The following FBXO34 variants were observed in gnomAD, a reference collection of about 807,000 sequenced individuals.
The protein encoded by FBXO34 is F-box protein 34.
A neutral mutation model predicts 24.5 loss-of-function variants in FBXO34; 12 were observed. That is an observed-to-expected ratio of 0.49 (90% confidence interval 0.31 to 0.79). FBXO34 has a LOEUF of 0.79. Among genes scored for constraint, FBXO34 ranks in the 30% least tolerant of loss-of-function variants. The probability of loss-of-function intolerance (pLI) is 0.04; values close to 1 mark genes in which losing one functional copy is unlikely to be tolerated. For synonymous variants in FBXO34, 320 were observed against 311.9 expected (o/e 1.03, Z -0.27); for missense variants, 823 against 857.7 (o/e 0.96, Z 0.51).
chr14:55,439,799 C>G, the FBXO34 span, among the ~76,000 whole-genome samples: 3 of 151,636 alleles, frequency 2.0e-5, no homozygotes, highest in East Asian at 3.9e-4. Flanking sequence ...GGCGTAGTGG[C>G]GGGCTCCTGT....
chr14:55,432,025 C>T, the FBXO34 span, among the ~76,000 whole-genome samples: 1 of 151,974 alleles, frequency 6.6e-6, no homozygotes, highest in Non-Finnish European at 1.5e-5. Flanking sequence ...ATACTGTGCA[C>T]AAATGCCTTA....
the FBXO34 span, among the ~76,000 whole-genome samples, chr14:55,405,894 G>C: frequency 5.3e-5 from 8 of 152,098 alleles, no homozygotes; most frequent in South Asian, 1.2e-3. Flanking sequence ...GGTGGCGGGG[G>C]GGGCAGGGGA....
the FBXO34 span, among the ~76,000 whole-genome samples, chr14:55,397,119 A>T: frequency 6.6e-6 from 1 of 152,194 alleles, no homozygotes; most frequent in East Asian, 1.9e-4. Flanking sequence ...CACATCAATT[A>T]TCAGTGCCAG....
At chr14:55,275,823 C>CA (rs57849080) in intron 1 of FBXO34, among the ~76,000 whole-genome samples, 6,131 of 89,902 alleles carry the variant, frequency 0.068, 449 homozygotes, top group South Asian at 0.13. Flanking sequence ...GACTCTGTCT[C>CA]AAAAAAAAAA....
intron 3 of FBXO34, among the ~76,000 whole-genome samples, chr14:55,360,947 G>A (rs999466056): frequency 1.3e-5 from 2 of 151,842 alleles, no homozygotes; most frequent in Admixed American, 1.3e-4. Context: ...GCGGTGAGCC[G>A]AGATCACGCC....
At chr14:55,333,053 C>T (rs180872625) in intron 1 of FBXO34, among the ~76,000 whole-genome samples, 10 of 152,256 alleles carry the variant, frequency 6.6e-5, no homozygotes, top group South Asian at 6.2e-4. Flanking sequence ...GGAAGATGTG[C>T]GTGTTTTCTC....
At chr14:55,276,177 A>C (rs1030420888) in intron 1 of FBXO34, among the ~76,000 whole-genome samples, 2 of 152,154 alleles carry the variant, frequency 1.3e-5, no homozygotes, top group Admixed American at 6.5e-5. Context: ...CTTTAAAGTC[A>C]GTCCTTTAAT....
chr14:55,372,343 G>A (rs1025765408), downstream of FBXO34, among the ~76,000 whole-genome samples: 2 of 151,992 alleles, frequency 1.3e-5, no homozygotes, highest in Non-Finnish European at 2.9e-5. Flanking sequence ...CTCCTGGCAC[G>A]CACCCACTAA....
chr14:55,389,576 G>A, the FBXO34 span, among the ~76,000 whole-genome samples: 5 of 152,308 alleles, frequency 3.3e-5, no homozygotes, highest in East Asian at 7.7e-4. Flanking sequence ...AGGGATTCAC[G>A]AGGTCTGATG....
At chr14:55,440,628 C>A in the FBXO34 span, 1 of 1,424,988 alleles carries the variant, frequency 7.0e-7, no homozygotes, top group Non-Finnish European at 9.3e-7. Context: ...GGGCGATGGG[C>A]TTGGAGCGGG....
chr14:55,361,060 G>A (rs1884587658), intron 3 of FBXO34, among the ~76,000 whole-genome samples: 1 of 151,992 alleles, frequency 6.6e-6, no homozygotes, highest in African/African-American at 2.4e-5. Context: ...TGTTTTTAAT[G>A]GCATCCAGAA....
In FBXO34 at chr14:55,351,005, G is replaced by C. The variant is rs1884344326; in HGVS notation, c.615G>C (p.Leu205=). Residue 205 remains leucine, a synonymous_variant, in exon 2 of 2, where the codon CTG becomes CTC. Coordinates refer to ENST00000313833, the MANE Select transcript of FBXO34 (RefSeq NM_017943.4). ...ATGGAGTCTATGCTGGGAGGCCTCT[G>C]TCAGTTATACAGATGGTTGCCTTCT... The part of the protein sequence containing the change: ...SGDGVYAGRP[L]SVIQMVAFLE... The C allele has an allele frequency of 6.2e-7, 1 of 1,614,082 alleles. No individual in the cohort carries two copies. Among genetic ancestry groups the C allele is most frequent in the Non-Finnish European group, 8.5e-7 (1 of 1,180,036 alleles).
the FBXO34 span, among the ~76,000 whole-genome samples, chr14:55,399,473 G>A: frequency 6.6e-6 from 1 of 152,132 alleles, no homozygotes. Context: ...GTGGAATGTG[G>A]ATGAACCCAT....
Position 55,286,159 on chromosome 14 carries a change from A to T in FBXO34, c.-11+14622A>T, listed in dbSNP as rs1320759520. Among the ~76,000 whole-genome samples, 3 of 152,288 alleles carry T rather than the reference A, an allele frequency of 2.0e-5. No homozygotes were observed. The East Asian group carries it at 5.8e-4, about 29-fold the overall frequency. On this transcript the variant is annotated intron_variant, in intron 1 of 1. Transcript: ENST00000313833. ...TAATCTCTACCTCTTTCCCTTCCCA[A>T]TTTGTAAAAAATGAGTGTAACTTCC...
chr14:55,416,799 C>T, the FBXO34 span, among the ~76,000 whole-genome samples: 42 of 152,358 alleles, frequency 2.8e-4, no homozygotes, highest in Non-Finnish European at 5.7e-4. Flanking sequence ...AGCAAACACA[C>T]ACATGCCCCT....
rs34535294 is a variant in FBXO34 at position 55,273,779 on chromosome 14, G to A, written c.-11+2242G>A. On this transcript the variant is annotated intron_variant, in intron 1 of 1. Transcript: ENST00000313833. The stretch of plus-strand genomic sequence containing the variant: ...GTAGCGATTCTGGGGCCGGCTACAC[G>A]GCTGTATGTAAGTTAGGTGTACTAG... Among the ~76,000 whole-genome samples the A allele has an allele frequency of 1.4e-4, 22 of 152,230 alleles. No individual in the cohort carries two copies. The East Asian group carries it at 1.5e-3, about 11-fold the overall frequency.
the FBXO34 span, among the ~76,000 whole-genome samples, chr14:55,396,224 A>G: frequency 6.6e-6 from 1 of 152,212 alleles, no homozygotes. Context: ...AAATCTGCCT[A>G]ACAGTCTTAG....
At chr14:55,397,734 T>C in the FBXO34 span, among the ~76,000 whole-genome samples, 1 of 152,216 alleles carries the variant, frequency 6.6e-6, no homozygotes, top group Admixed American at 6.5e-5. Flanking sequence ...TAAAGTGAAT[T>C]TGAATTCAAG....
chr14:55,312,392 C>T (rs187970946), intron 1 of FBXO34, among the ~76,000 whole-genome samples: 28 of 152,188 alleles, frequency 1.8e-4, no homozygotes, highest in Non-Finnish European at 2.4e-4. Flanking sequence ...TCTAGAAGCA[C>T]GGTACAAGCT....
Sources: gnomAD v4.1 joint callset for allele counts (sites outside exome capture counted in the v4.1 genomes callset) on GRCh38, gnomAD v4.1.1 for gene constraint, MANE v1.5 for transcripts, NCBI Gene and HGNC (gene_info 2026-07-23, HGNC 2026-07-21) for gene names.